Variants in SIAH3 observed in about 807,000 individuals in gnomAD.
SIAH3 encodes the protein siah E3 ubiquitin protein ligase family member 3.
A neutral mutation model predicts 12.6 loss-of-function variants in SIAH3; 9 were observed. The observed-to-expected ratio is 0.72, with a 90% CI of 0.43 to 1.25. SIAH3 has a LOEUF of 1.25. Among genes scored for constraint, SIAH3 ranks in the 50% most tolerant of loss-of-function variants. SIAH3 has a pLI of 0.00. For missense variants in SIAH3, 390 were observed against 365.4 expected (o/e 1.07, Z -0.55); for synonymous variants, 154 against 151.1 (o/e 1.02, Z -0.14).
intron 1 of SIAH3, among the ~76,000 whole-genome samples, chr13:45,784,282 A>C (rs1362706040): frequency 6.6e-6 from 1 of 152,172 alleles, no homozygotes; most frequent in African/African-American, 2.4e-5. Flanking sequence ...CAGTCCAAGA[A>C]AATGCAGTAT....
rs1021295602 is a variant in SIAH3, at chr13:45,851,700, A to G, written c.-71T>C. The G allele has an allele frequency of 3.1e-6, 5 of 1,602,048 alleles. No homozygotes were observed. Among genetic ancestry groups the G allele is most frequent in the Non-Finnish European group, 4.3e-6 (5 of 1,171,878 alleles). ...CTGTGAGTCCTTGGGCCCTGGAAGG[A>G]GCGCAGCCTCTGAGACACTCCGCTC... is the stretch of plus-strand genomic sequence containing the variant. On this transcript the variant is annotated 5_prime_UTR_variant, in exon 1 of 2. Transcript: ENST00000400405.
intron 1 of SIAH3, among the ~76,000 whole-genome samples, chr13:45,843,364 A>T (rs1950747679): frequency 6.6e-6 from 1 of 152,044 alleles, no homozygotes; most frequent in South Asian, 2.1e-4. Flanking sequence ...GAGCCTGCAG[A>T]TATATACTCT....
rs386379026 is a variant in SIAH3, at chr13:45,846,084, C to CTTTTTTTTTTTT, written c.135+5399_135+5410dup. 2.3e-5 allele frequency among the ~76,000 whole-genome samples: 2 copies of CTTTTTTTTTTTT among 85,704 alleles called. 1 individual carries two copies. Among genetic ancestry groups the CTTTTTTTTTTTT allele is most frequent in the Non-Finnish European group, 4.1e-5 (2 of 49,320 alleles). The allele number at this position is 85,704 out of a possible 152,430, so 56.2% of individuals were successfully genotyped here. A position where few individuals can be genotyped will look rare whatever the true frequency, so the allele number is the denominator to read the frequency against. ...GATCTGATGTTAGAAGACCTAACTTCTTTTTTTTTTTTTTTTTTTTTTGAG... is the reference window on the plus strand; with the variant it reads ...GATCTGATGTTAGAAGACCTAACTTCTTTTTTTTTTTTTTTTTTTTTTTTTTTTTTTTTTGAG... On this transcript the variant is annotated intron_variant, in intron 1 of 1. Coordinates refer to ENST00000400405, the MANE Select transcript of SIAH3 (RefSeq NM_198849.3).
chr13:45,829,535 A>G (rs1252753768), intron 1 of SIAH3, among the ~76,000 whole-genome samples: 2 of 152,064 alleles, frequency 1.3e-5, no homozygotes, highest in Non-Finnish European at 2.9e-5. Flanking sequence ...CTTGAGCCCA[A>G]AAGGTCAAGG....
chr13:45,846,236 C>T (rs1021868066), intron 1 of SIAH3, among the ~76,000 whole-genome samples: 4 of 151,784 alleles, frequency 2.6e-5, no homozygotes, highest in Admixed American at 6.6e-5. Flanking sequence ...ACTACAGGTG[C>T]CCGCCACCAT....
intron 1 of SIAH3, among the ~76,000 whole-genome samples, chr13:45,843,034 C>CG: frequency 7.2e-6 from 1 of 139,288 alleles, no homozygotes; most frequent in African/African-American, 2.6e-5. Flanking sequence ...CTCTCTCTCT[C>CG]TGTGTGTGTG....
chr13:45,822,184 G>T (rs902176258), intron 1 of SIAH3, among the ~76,000 whole-genome samples: 10 of 152,130 alleles, frequency 6.6e-5, no homozygotes, highest in African/African-American at 2.4e-4. Context: ...AGACACTGGG[G>T]TCTCAATGCG....
At chr13:45,797,327 G>A (rs960993498) in intron 1 of SIAH3, among the ~76,000 whole-genome samples, 13 of 152,082 alleles carry the variant, frequency 8.5e-5, no homozygotes, top group Non-Finnish European at 2.9e-5. Flanking sequence ...GGCCAGGATT[G>A]CTCCAGCCTG....
intron 1 of SIAH3, among the ~76,000 whole-genome samples, chr13:45,793,395 T>TA (rs1950552619): frequency 6.6e-6 from 1 of 152,208 alleles, no homozygotes; most frequent in Non-Finnish European, 1.5e-5. Context: ...CTCTGTTTTC[T>TA]ATCCCCAGAT....
intron 1 of SIAH3, among the ~76,000 whole-genome samples, chr13:45,822,216 C>T (rs1023790988): frequency 6.6e-6 from 1 of 152,084 alleles, no homozygotes; most frequent in Non-Finnish European, 1.5e-5. Flanking sequence ...TGTCCCACTG[C>T]CATGATTCAG....
intron 1 of SIAH3, among the ~76,000 whole-genome samples, chr13:45,816,069 A>G (rs1264554537): frequency 6.6e-6 from 1 of 152,234 alleles, no homozygotes; most frequent in Non-Finnish European, 1.5e-5. Context: ...TGTAGCTGCC[A>G]TGCTCAGGCG....
At chr13:45,843,862 C>T (rs1056977967) in intron 1 of SIAH3, among the ~76,000 whole-genome samples, 2 of 152,080 alleles carry the variant, frequency 1.3e-5, no homozygotes, top group Admixed American at 6.5e-5. Context: ...CAATTGGTGC[C>T]GGTCATAATC....
At chr13:45,836,381 A>G (rs1312699712) in intron 1 of SIAH3, among the ~76,000 whole-genome samples, 1 of 152,226 alleles carries the variant, frequency 6.6e-6, no homozygotes, top group African/African-American at 2.4e-5. Context: ...GCAGCTGTAA[A>G]AAGGAACAAG....
At chr13:45,842,282 G>T (rs904973244) in intron 1 of SIAH3, among the ~76,000 whole-genome samples, 13 of 152,168 alleles carry the variant, frequency 8.5e-5, no homozygotes, top group African/African-American at 2.9e-4. Flanking sequence ...TAGTAATGAT[G>T]ATAACTACAA....
At chr13:45,797,677 T>G (rs1282716875) in intron 1 of SIAH3, among the ~76,000 whole-genome samples, 1 of 152,138 alleles carries the variant, frequency 6.6e-6, no homozygotes, top group African/African-American at 2.4e-5. Context: ...GGGGCTGAGA[T>G]TCTGCATTTC....
rs752188051 is a variant in SIAH3, at chr13:45,783,738, G to C, written c.455C>G (p.Ala152Gly). 1 of 1,614,046 alleles carries C rather than the reference G, an allele frequency of 6.2e-7. No homozygotes were observed. The part of the protein sequence containing the change: ...VFLATDMHLP[A>G]PADWIIMHSC... ...GTGCATGATGATCCAATCAGCCGGC[G>C]CGGGGAGGTGCATGTCCGTGGCCAG... is the stretch of plus-strand genomic sequence containing the variant. The change falls in exon 2 of 2, where the codon GCG (alanine) becomes GGG (glycine). Residue 152 changes from alanine (A) to glycine (G), a missense_variant. Ala to Gly is a moderately conservative substitution (Grantham distance 60). Coordinates refer to ENST00000400405, the MANE Select transcript of SIAH3 (RefSeq NM_198849.3).
intron 1 of SIAH3, among the ~76,000 whole-genome samples, chr13:45,815,723 C>T (rs1354629332): frequency 6.6e-6 from 1 of 152,170 alleles, no homozygotes; most frequent in Non-Finnish European, 1.5e-5. Context: ...TTGTTCACTC[C>T]ATGATGTGAG....
Position 45,781,403 on chromosome 13 carries a change from A to T in SIAH3, c.*1980T>A, listed in dbSNP as rs1457286768. On this transcript the variant is annotated 3_prime_UTR_variant, in exon 2 of 2. Coordinates refer to ENST00000400405, the MANE Select transcript of SIAH3 (RefSeq NM_198849.3). ...GAAGGGGATTGGGGATGCAGTGAGG[A>T]GGAAGACAGCCAGTCTTTCCACGCA... The T allele has an allele frequency of 1.3e-5, 2 of 152,222 alleles. No individual in the cohort carries two copies. Among genetic ancestry groups the T allele is most frequent in the Non-Finnish European group, 2.9e-5 (2 of 68,056 alleles). The allele number at this position is 152,222 out of a possible 1,614,324, so 9.4% of individuals were successfully genotyped here.
chr13:45,842,281 T>C (rs1197005127), intron 1 of SIAH3, among the ~76,000 whole-genome samples: 1 of 152,220 alleles, frequency 6.6e-6, no homozygotes, highest in East Asian at 1.9e-4. Context: ...CTAGTAATGA[T>C]GATAACTACA....
Sources: gnomAD v4.1 joint callset for allele counts (sites outside exome capture counted in the v4.1 genomes callset) on GRCh38, gnomAD v4.1.1 for gene constraint, MANE v1.5 for transcripts, NCBI Gene and HGNC (gene_info 2026-07-23, HGNC 2026-07-21) for gene names.